Variants in SLC67A2 observed in about 807,000 individuals in gnomAD.
SLC67A2 encodes the protein solute carrier family 67 member 2.
the SLC67A2 span, chr2:102,723,770 A>C: frequency 6.8e-6 from 11 of 1,614,088 alleles, no homozygotes; most frequent in Admixed American, 1.5e-4. Context: ...ATTCAGTGAG[A>C]TAGCCACCGA....
chr2:102,732,492 A>ACCTGT, the SLC67A2 span: 3 of 1,133,464 alleles, frequency 2.6e-6, no homozygotes, highest in Non-Finnish European at 3.8e-6. Flanking sequence ...TTTAAAAAAT[A>ACCTGT]AAACCAATAT....
chr2:102,731,352 GTCCT>G, the SLC67A2 span, among the ~76,000 whole-genome samples: 1 of 152,106 alleles, frequency 6.6e-6, no homozygotes, highest in South Asian at 2.1e-4. Context: ...CTGTATGATT[GTCCT>G]TCCATCATAT....
At chr2:102,727,018 CG>C in the SLC67A2 span, 1 of 1,592,012 alleles carries the variant, frequency 6.3e-7, no homozygotes, top group Non-Finnish European at 8.5e-7. Flanking sequence ...TTCACAGTAA[CG>C]ACTACCACCA....
chr2:102,719,142 G>C, the SLC67A2 span: 5 of 1,614,110 alleles, frequency 3.1e-6, no homozygotes, highest in South Asian at 2.2e-5. Context: ...TGGGTCTTTC[G>C]CAATGGCAGG....
the SLC67A2 span, chr2:102,718,577 C>T: frequency 1.2e-5 from 19 of 1,612,870 alleles, no homozygotes; most frequent in Middle Eastern, 5.0e-4. Context: ...GGCGATGATG[C>T]GGCCCACTGC....
At chr2:102,719,850 G>C in the SLC67A2 span, among the ~76,000 whole-genome samples, 1 of 152,208 alleles carries the variant, frequency 6.6e-6, no homozygotes, top group African/African-American at 2.4e-5. Flanking sequence ...CTCTCCCTGG[G>C]AAGCACCTGC....
the SLC67A2 span, among the ~76,000 whole-genome samples, chr2:102,731,685 T>C: frequency 4.6e-5 from 7 of 152,314 alleles, no homozygotes; most frequent in African/African-American, 1.4e-4. Context: ...TTAACAAATA[T>C]TATGTACAAG....
At chr2:102,736,410 A>C in the SLC67A2 span, 1 of 1,115,730 alleles carries the variant, frequency 9.0e-7, no homozygotes, top group Non-Finnish European at 1.2e-6. Context: ...AGGGAAGGGA[A>C]GACGTTCCGC....
the SLC67A2 span, chr2:102,732,425 T>C: frequency 6.3e-7 from 1 of 1,589,226 alleles, no homozygotes; most frequent in Non-Finnish European, 8.6e-7. Context: ...ACAAAATAAA[T>C]GCTGATGGAC....
At chr2:102,721,688 T>A in the SLC67A2 span, among the ~76,000 whole-genome samples, 1 of 151,650 alleles carries the variant, frequency 6.6e-6, no homozygotes, top group African/African-American at 2.4e-5. Flanking sequence ...TGTGTCTGTG[T>A]GTGTGTCTGT....
At chr2:102,724,758 C>T in the SLC67A2 span, among the ~76,000 whole-genome samples, 1 of 152,228 alleles carries the variant, frequency 6.6e-6, no homozygotes, top group East Asian at 1.9e-4. Context: ...TCACTCTGCA[C>T]ATCACTGTGC....
At chr2:102,732,761 T>C in the SLC67A2 span, among the ~76,000 whole-genome samples, 1 of 148,486 alleles carries the variant, frequency 6.7e-6, no homozygotes, top group African/African-American at 2.4e-5. Context: ...TGTTTCCTTC[T>C]GGAGTTGGCG....
At chr2:102,731,603 A>G in the SLC67A2 span, among the ~76,000 whole-genome samples, 4 of 152,146 alleles carry the variant, frequency 2.6e-5, no homozygotes, top group Non-Finnish European at 5.9e-5. Flanking sequence ...AAACCTTCAC[A>G]CTGCTGGGTG....
chr2:102,735,846 G>GCACACACACA, the SLC67A2 span, among the ~76,000 whole-genome samples: 634 of 149,684 alleles, frequency 4.2e-3, 7 homozygotes, highest in African/African-American at 0.014. Flanking sequence ...ACGCGCGCGC[G>GCACACACACA]CACACACACA....
the SLC67A2 span, chr2:102,718,524 G>C: frequency 3.5e-3 from 5,622 of 1,613,532 alleles, 125 homozygotes; most frequent in African/African-American, 0.058. Flanking sequence ...AGGCTGGGGG[G>C]GCCGCAAGGG....
the SLC67A2 span, chr2:102,723,608 T>A: frequency 7.7e-7 from 1 of 1,290,572 alleles, no homozygotes; most frequent in Non-Finnish European, 1.1e-6. Context: ...CTGTCTATTC[T>A]GATAAAAACG....
chr2:102,731,659 C>T, the SLC67A2 span, among the ~76,000 whole-genome samples: 5 of 152,174 alleles, frequency 3.3e-5, no homozygotes, highest in Non-Finnish European at 5.9e-5. Flanking sequence ...ATACAAATCA[C>T]GGCATGGACC....
At chr2:102,735,683 G>T in the SLC67A2 span, among the ~76,000 whole-genome samples, 1 of 152,162 alleles carries the variant, frequency 6.6e-6, no homozygotes, top group East Asian at 1.9e-4. Context: ...CAGCTTACTT[G>T]TAAGACTGAA....
chr2:102,726,721 CTT>C, the SLC67A2 span: 6 of 1,406,426 alleles, frequency 4.3e-6, no homozygotes, highest in African/African-American at 7.3e-5. Flanking sequence ...TCTGAACACT[CTT>C]TAAGCAAGTA....
Sources: allele counts gnomAD v4.1 joint callset (sites outside exome capture counted in the v4.1 genomes callset), GRCh38; gene constraint gnomAD v4.1.1; transcripts MANE v1.5; gene names NCBI Gene and HGNC (gene_info 2026-07-23, HGNC 2026-07-21).